APOB: variants seen among roughly 807,000 people sequenced by gnomAD.
APOB encodes apolipoprotein B, also known as apolipoprotein B-100.
APOB carries 153 observed loss-of-function variants against 314.1 expected under a neutral mutation model. The observed-to-expected ratio is 0.49, with a 90% confidence interval of 0.43 to 0.56. The LOEUF is 0.56. Among genes scored for constraint, APOB ranks in the 20% least tolerant of loss-of-function variants. APOB has a pLI of 0.00. For synonymous variants in APOB, 2,087 were observed against 2,036.4 expected, an observed-to-expected ratio of 1.02 and a Z score of -0.67; for missense variants, 5,430 against 5,350.7, an observed-to-expected ratio of 1.01 and a Z score of -0.46.
chr2:21,030,214 A>G (rs1356979327), intron 10 of APOB, among the ~76,000 whole-genome samples, 199 bp from the exon 11 acceptor site: 3 of 152,252 alleles, frequency 2.0e-5, no homozygotes, highest in Non-Finnish European at 4.4e-5. Context: ...CAACAAGGCT[A>G]TAGTAATCTA....
chr2:21,007,229 G>C lies in APOB; in HGVS notation c.9639C>G (p.Asn3213Lys). Residue 3213 changes from asparagine (N) to lysine (K), a missense_variant, in exon 26 of 29, where the codon AAC becomes AAG. By Grantham distance (94) the Asn-to-Lys change is moderately conservative. Around this residue, in one of 3 missense-constraint regions of APOB, gnomAD observed 3,281 missense variants for 3,171.0 expected, o/e 1.03. Transcript: ENST00000233242. ...SFDRHFEKNR[N>K]NALDFVTKSY... is the part of the protein sequence containing the mutation. ...ATTTGGTGACAAAATCTAATGCATT[G>C]TTTCTGTTTTTTTCAAAATGCCTGT... 1.2e-6 allele frequency: 2 copies of C among 1,613,324 alleles called. No individual in the cohort carries two copies. The highest frequency in any genetic ancestry group is 1.1e-5 in the South Asian group (1 of 91,050).
Position 21,028,542 on chromosome 2 carries a change from C to T in APOB, c.1618-4G>A, listed in dbSNP as rs187405118. 3.1e-6 allele frequency: 5 copies of T among 1,604,942 alleles called. No individual in the cohort carries two copies. The highest frequency in any genetic ancestry group is 1.7e-4 in the Middle Eastern group (1 of 6,026). ...TCTGAAGAAGAACCTCCTGGTCCTGCAGTCAAAAGAGGAGATGGTTATCAC... is the reference window on the plus strand; with the variant it reads ...TCTGAAGAAGAACCTCCTGGTCCTGTAGTCAAAAGAGGAGATGGTTATCAC... On this transcript the variant is annotated splice_region_variant and splice_polypyrimidine_tract_variant and intron_variant, in intron 12 of 28. Transcript: ENST00000233242.
chr2:21,013,232 G>T lies in APOB; in HGVS notation c.4144C>A (p.His1382Asn). ...TGGTAACGAGCCCGAAGGCTGAAAT[G>T]GTCTGTGCTGGTGTTGCCACCACTG... Reference protein sequence around the residue: ...SYSGGNTSTDHFSLRARYHMK... With the variant: ...SYSGGNTSTDNFSLRARYHMK... The change falls in exon 25 of 29, where the codon CAT becomes AAT. Residue 1382 changes from histidine to asparagine, a missense_variant. Physicochemically the swap from His to Asn is moderately conservative, Grantham distance 68. Transcript: ENST00000233242. 6.2e-7 allele frequency: 1 copy of T among 1,614,154 alleles called. No homozygotes were observed. Among genetic ancestry groups the T allele is most frequent in the Non-Finnish European group, 8.5e-7 (1 of 1,180,010 alleles).
rs1230909434 is a variant in APOB, at chr2:21,002,681, T to C, written c.12741A>G (p.Gln4247=). The C allele has an allele frequency of 2.5e-6, 4 of 1,613,832 alleles. No homozygotes were observed. The highest frequency in any genetic ancestry group is 2.5e-6 in the Non-Finnish European group (3 of 1,179,890). ...NGSEILFSYF[Q]DLVITLPFEL... The stretch of plus-strand genomic sequence containing the variant: ...CGAAAGGAAGTGTAATCACTAGGTC[T>C]TGGAAATAGGAAAACAGTATTTCTG... The change falls in exon 29 of 29, where the codon CAA becomes CAG. Residue 4247 remains glutamine, a synonymous_variant. Coordinates refer to ENST00000233242, the MANE Select transcript of APOB (RefSeq NM_000384.3).
At position 21,005,354 on chromosome 2, in the gene APOB, C is replaced by T. The variant is rs1663097974; in HGVS notation, c.11514G>A (p.Leu3838=). 2.5e-6 allele frequency: 4 copies of T among 1,614,040 alleles called. No individual in the cohort carries two copies. The East Asian group carries it at 8.9e-5, about 36-fold the overall frequency. The change falls in exon 26 of 29, where the codon TTG becomes TTA. Residue 3838 remains leucine (L), a synonymous_variant. Transcript: ENST00000233242. ...PKSVSDGIAA[L]DLNAVANKIA... ...TCTTGTTGGCTACTGCATTTAGATCCAAAGCAGCAATGCCATCTGAAACAC... is the reference window on the plus strand; with the variant it reads ...TCTTGTTGGCTACTGCATTTAGATCTAAAGCAGCAATGCCATCTGAAACAC...
rs1283424766 is a variant in APOB, at chr2:21,019,001, G to A, written c.3112C>T (p.Gln1038Ter). Residue 1038 changes from glutamine to a stop codon, truncating the protein, a stop_gained, in exon 20 of 29, where the codon CAA becomes TAA. Coordinates refer to ENST00000233242, the MANE Select transcript of APOB (RefSeq NM_000384.3). LOFTEE classifies it high-confidence loss of function. ...ALVDTLKFVT[Q>*]AEGAKQTEAT... The stretch of plus-strand genomic sequence containing the variant: ...TGTTTTGAATACTCACCTTCTGCTT[G>A]AGTTACAAACTTCAGGGTATCCACC... The A allele has an allele frequency of 6.2e-7, 1 of 1,613,998 alleles. No homozygotes were observed. Among genetic ancestry groups the A allele is most frequent in the Non-Finnish European group, 8.5e-7 (1 of 1,180,000 alleles).
Position 21,013,225 on chromosome 2 carries a change from C to T in APOB, c.4151G>A (p.Ser1384Asn). ...SGGNTSTDHF[S>N]LRARYHMKAD... Reference sequence around the variant, plus strand: ...CTTCATGTGGTAACGAGCCCGAAGGCTGAAATGGTCTGTGCTGGTGTTGCC... The same window carrying T: ...CTTCATGTGGTAACGAGCCCGAAGGTTGAAATGGTCTGTGCTGGTGTTGCC... Residue 1384 changes from serine (S) to asparagine (N), a missense_variant, in exon 25 of 29, where the codon AGC becomes AAC. Physicochemically the swap from Ser to Asn is conservative, Grantham distance 46. This residue lies in a region of APOB where 2,085 missense variants were observed against 2,079.7 expected (regional missense o/e 1.00). Coordinates refer to ENST00000233242, the MANE Select transcript of APOB (RefSeq NM_000384.3). The T allele has an allele frequency of 6.2e-7, 1 of 1,614,152 alleles. No homozygotes were observed. The highest frequency in any genetic ancestry group is 8.5e-7 in the Non-Finnish European group (1 of 1,180,030).
intron 20 of APOB, among the ~76,000 whole-genome samples, chr2:21,016,996 AAT>A (rs1400656208): frequency 9.7e-6 from 1 of 103,292 alleles, no homozygotes; most frequent in African/African-American, 4.1e-5. Context: ...AAAATAAATA[AAT>A]AAATAAATAA....
chr2:21,003,295 A>G lies in APOB; in HGVS notation c.12127T>C (p.Leu4043=). 6.2e-7 allele frequency: 1 copy of G among 1,613,758 alleles called. No homozygotes were observed. The highest frequency in any genetic ancestry group is 8.5e-7 in the Non-Finnish European group (1 of 1,179,894). The change falls in exon 29 of 29, where the codon TTG becomes CTG. Residue 4043 remains leucine, a synonymous_variant. Transcript: ENST00000233242. The part of the protein sequence containing the change: ...DKKLTIFKTE[L]RVRESDEETQ... ...TCCTCATCAGATTCCCGGACCCTCA[A>G]CTCAGTTTTGAATATGGTGAGTTTT...
rs755865341 is a variant in APOB, at chr2:21,002,323, G to A, written c.13099C>T (p.Leu4367Phe). The change falls in exon 29 of 29, where the codon CTT becomes TTT. Residue 4367 changes from leucine (L) to phenylalanine (F), a missense_variant. Around this residue, in one of 3 missense-constraint regions of APOB, gnomAD observed 3,281 missense variants for 3,171.0 expected, o/e 1.03. Coordinates refer to ENST00000233242, the MANE Select transcript of APOB (RefSeq NM_000384.3). ...TGTAACTCTTGAGAAGCTTCCTGAA[G>A]CTCGTTTTGAATAAATTCATTGAAC... ...HKFNEFIQNE[L>F]QEASQELQQI... The A allele has an allele frequency of 1.9e-6, 3 of 1,612,710 alleles. No homozygotes were observed. The highest frequency in any genetic ancestry group is 2.2e-5 in the South Asian group (2 of 90,570).
At chr2:21,030,130 G>C in intron 10 of APOB, 115 bp from the exon 11 acceptor site, 1 of 718,766 alleles carries the variant, frequency 1.4e-6, no homozygotes, top group Middle Eastern at 3.8e-4. Flanking sequence ...TCCAAAAAGA[G>C]CCTGAATAGC....
rs1572775171 is a variant in APOB, at chr2:21,002,642, A to G, written c.12780T>C (p.His4260=). The G allele has an allele frequency of 6.2e-7, 1 of 1,613,834 alleles. No homozygotes were observed. The highest frequency in any genetic ancestry group is 8.5e-7 in the Non-Finnish European group (1 of 1,179,890). ...VITLPFELRK[H]KLIDVISMYR... Reference sequence around the variant, plus strand: ...ACATCGAGATTACATCTATTAGTTTATGTTTCCTTAACTCGAAAGGAAGTG... The same window carrying G: ...ACATCGAGATTACATCTATTAGTTTGTGTTTCCTTAACTCGAAAGGAAGTG... Residue 4260 remains histidine, a synonymous_variant, in exon 29 of 29, where the codon CAT becomes CAC. Transcript: ENST00000233242.
In APOB at chr2:21,002,499, T is replaced by G; in HGVS notation, c.12923A>C (p.Gln4308Pro). The G allele has an allele frequency of 6.2e-7, 1 of 1,612,818 alleles. No homozygotes were observed. The highest frequency in any genetic ancestry group is 8.5e-7 in the Non-Finnish European group (1 of 1,179,024). Residue 4308 changes from glutamine (Q) to proline (P), a missense_variant, in exon 29 of 29, where the codon CAA becomes CCA. Transcript: ENST00000233242. ...CTGTTTAATGTTATCTTCTATTAGT[T>G]GGAAAATGAATTGTAAAAGGTCCTG... ...NLQDLLQFIF[Q>P]LIEDNIKQLK...
intron 15 of APOB, among the ~76,000 whole-genome samples, chr2:21,026,389 A>G (rs1433985830): frequency 3.3e-5 from 5 of 152,162 alleles, no homozygotes; most frequent in Middle Eastern, 3.4e-3. Context: ...CTAGGATTAC[A>G]GGCACCCACT....
In APOB at chr2:21,021,078, C is replaced by T. The variant is rs556310523; in HGVS notation, c.2817-1173G>A. 7.2e-5 allele frequency among the ~76,000 whole-genome samples: 11 copies of T among 152,320 alleles called. No homozygotes were observed. In the South Asian group the frequency reaches 8.3e-4, roughly 11 times the overall value. On this transcript the variant is annotated intron_variant, in intron 18 of 28. Coordinates refer to ENST00000233242, the MANE Select transcript of APOB (RefSeq NM_000384.3). Reference sequence around the variant, plus strand: ...CCAAGCCTCTTTACTGGGCTCAGATCCATAGGTCTATTTGACAGCTAGATT... The same window carrying T: ...CCAAGCCTCTTTACTGGGCTCAGATTCATAGGTCTATTTGACAGCTAGATT...
chr2:21,036,009 C>G (rs1204680195), intron 6 of APOB, among the ~76,000 whole-genome samples: 3 of 152,142 alleles, frequency 2.0e-5, no homozygotes, highest in African/African-American at 4.8e-5. Flanking sequence ...TTTCTTTGCC[C>G]AAAAGCCCAT....
In APOB at chr2:21,002,008, T is replaced by C; in HGVS notation, c.13414A>G (p.Thr4472Ala). Reference sequence around the variant, plus strand: ...TGGCTTTTAATTATTTCCTGAGCAGTGGCAGAAAGCTCTGCAATCTTCTCT... The same window carrying C: ...TGGCTTTTAATTATTTCCTGAGCAGCGGCAGAAAGCTCTGCAATCTTCTCT... The part of the protein sequence containing the change: ...GKEKIAELSA[T>A]AQEIIKSQAI... The change falls in exon 29 of 29, where the codon ACT (threonine) becomes GCT (alanine). Residue 4472 changes from threonine to alanine, a missense_variant. Around this residue, in one of 3 missense-constraint regions of APOB, gnomAD observed 3,281 missense variants for 3,171.0 expected, o/e 1.03. Transcript: ENST00000233242. 6.2e-7 allele frequency: 1 copy of C among 1,614,050 alleles called. No individual in the cohort carries two copies. The highest frequency in any genetic ancestry group is 8.5e-7 in the Non-Finnish European group (1 of 1,179,990).
At position 21,025,173 on chromosome 2, in the gene APOB, C is replaced by G. The variant is rs774861133; in HGVS notation, c.2245-49G>C. 3 of 1,578,220 alleles carry G rather than the reference C, an allele frequency of 1.9e-6. No individual in the cohort carries two copies. The Admixed American group carries it at 5.0e-5, about 26-fold the overall frequency. On this transcript the variant is annotated intron_variant, in intron 15 of 28. Coordinates refer to ENST00000233242, the MANE Select transcript of APOB (RefSeq NM_000384.3). ...CCAGTGAGATGTCAGCAATGTCAAA[C>G]ACCTTTCAGTTCCCAATGTGGGACC...
chr2:21,017,214 G>T (rs1298041791), intron 20 of APOB, among the ~76,000 whole-genome samples: 1 of 151,724 alleles, frequency 6.6e-6, no homozygotes, highest in Non-Finnish European at 1.5e-5. Flanking sequence ...GTTCATGTAT[G>T]CAAGTCTTTA....
Sources: allele counts gnomAD v4.1 joint callset (sites outside exome capture counted in the v4.1 genomes callset), GRCh38; gene constraint gnomAD v4.1.1; regional missense constraint gnomAD v4.1.1; transcripts MANE v1.5; gene names NCBI Gene and HGNC (gene_info 2026-07-23, HGNC 2026-07-21).